Variants in SLC26A8 observed in about 807,000 individuals in gnomAD.
The protein encoded by SLC26A8 is solute carrier family 26 member 8.
SLC26A8 carries 70 observed loss-of-function variants against 105.0 expected under a neutral mutation model. That is an observed-to-expected ratio of 0.67 (90% CI 0.55 to 0.81). The LOEUF is 0.81. Among genes scored for constraint, SLC26A8 ranks in the 40% least tolerant of loss-of-function variants. The probability of loss-of-function intolerance (pLI) is 0.00; values close to 1 mark genes in which losing one functional copy is unlikely to be tolerated. For missense variants in SLC26A8, 998 were observed against 1,181.8 expected (o/e 0.84, Z 2.28); for synonymous variants, 415 against 438.3 (o/e 0.95, Z 0.66).
intron 16 of SLC26A8, among the ~76,000 whole-genome samples, chr6:35,958,115 T>C (rs966435463): frequency 1.3e-5 from 2 of 152,208 alleles, no homozygotes; most frequent in Non-Finnish European, 2.9e-5. Context: ...TAAAATTCTC[T>C]CATAAATTTC....
intron 3 of SLC26A8, among the ~76,000 whole-genome samples, chr6:36,008,863 G>A (rs1761766317): frequency 6.6e-6 from 1 of 152,104 alleles, no homozygotes; most frequent in African/African-American, 2.4e-5. Flanking sequence ...AAAAAATAGT[G>A]ACAACAGCAA....
chr6:36,021,965 G>A (rs913430853), intron 1 of SLC26A8, among the ~76,000 whole-genome samples: 8 of 150,676 alleles, frequency 5.3e-5, no homozygotes, highest in East Asian at 3.9e-4. Flanking sequence ...CACCGCGCCC[G>A]GCCTATTTTT....
At chr6:36,000,223 G>A (rs1761481682) in intron 3 of SLC26A8, 115 bp from the exon 4 acceptor site, 2 of 657,310 alleles carry the variant, frequency 3.0e-6, no homozygotes, top group African/African-American at 1.8e-5. Flanking sequence ...GACTGAGTGT[G>A]GTAATAGTAT....
chr6:36,007,782 C>A (rs903340624), intron 3 of SLC26A8, among the ~76,000 whole-genome samples: 2 of 152,122 alleles, frequency 1.3e-5, no homozygotes, highest in Non-Finnish European at 2.9e-5. Flanking sequence ...CCTATTTGAT[C>A]TCTGACAAAG....
At chr6:35,979,559 C>A (rs946867505) in intron 8 of SLC26A8, among the ~76,000 whole-genome samples, 1 of 152,132 alleles carries the variant, frequency 6.6e-6, no homozygotes, top group Non-Finnish European at 1.5e-5. Context: ...TAACTGAATG[C>A]TTACAGGTAG....
intron 7 of SLC26A8, among the ~76,000 whole-genome samples, chr6:35,985,615 C>A (rs1773477257): frequency 6.8e-6 from 1 of 147,256 alleles, no homozygotes; most frequent in South Asian, 2.1e-4. Context: ...ATCGTTTGAA[C>A]CTGGGAGGCA....
At chr6:35,969,296 A>G (rs1772685418) in intron 10 of SLC26A8, 2 of 239,050 alleles carry the variant, frequency 8.4e-6, no homozygotes, top group Non-Finnish European at 1.7e-5. Context: ...CTCTCCTTGC[A>G]CAATTTAGAA....
intron 2 of SLC26A8, among the ~76,000 whole-genome samples, chr6:36,017,112 A>G (rs1313229964): frequency 6.6e-6 from 1 of 152,058 alleles, no homozygotes; most frequent in African/African-American, 2.4e-5. Context: ...TGGAGGTTGC[A>G]GTGAGCGGAG....
At chr6:35,974,935 T>A (rs531932149) in intron 10 of SLC26A8, among the ~76,000 whole-genome samples, 1 of 151,942 alleles carries the variant, frequency 6.6e-6, no homozygotes, top group African/African-American at 2.4e-5. Flanking sequence ...TTTTTGTATT[T>A]CTAGTAGAGA....
chr6:35,984,876 C>T (rs1034548611), intron 7 of SLC26A8, among the ~76,000 whole-genome samples: 6 of 152,192 alleles, frequency 3.9e-5, no homozygotes, highest in African/African-American at 1.4e-4. Context: ...AGGGGTCAGA[C>T]ATACGTCATT....
In SLC26A8 at chr6:35,943,991, G is replaced by C. The variant is rs200264081; in HGVS notation, c.2822C>G (p.Ser941Cys). The change falls in exon 20 of 20, where the codon TCT (serine) becomes TGT (cysteine). Residue 941 changes from serine (S) to cysteine (C), a missense_variant. Transcript: ENST00000490799. ...MYHPSMASTQ[S>C]QTQTRTWSVE... ...TGACCATGTCCGAGTCTGAGTCTGA[G>C]ACTGGGTGGAAGCCATAGACGGATG... 1 of 1,614,190 alleles carries C rather than the reference G, an allele frequency of 6.2e-7. No individual in the cohort carries two copies. The highest frequency in any genetic ancestry group is 2.2e-5 in the East Asian group (1 of 44,886).
intron 11 of SLC26A8, among the ~76,000 whole-genome samples, chr6:35,965,286 A>C (rs1772463500): frequency 6.6e-6 from 1 of 152,198 alleles, no homozygotes; most frequent in African/African-American, 2.4e-5. Context: ...ATGGAAAGAA[A>C]GTTTCCTAAA....
chr6:36,024,357 ATCAT>A, intron 1 of SLC26A8, 143 bp downstream of exon 1: 2 of 431,178 alleles, frequency 4.6e-6, no homozygotes, highest in Admixed American at 2.5e-5. Context: ...AGGGACGACC[ATCAT>A]TCATTCATTC....
intron 7 of SLC26A8, among the ~76,000 whole-genome samples, chr6:35,989,001 C>T (rs758777800): frequency 2.6e-5 from 4 of 151,824 alleles, no homozygotes; most frequent in South Asian, 2.1e-4. Context: ...CCACCTCGCC[C>T]GGCTAAGTTT....
At chr6:35,959,380 G>T (rs1772218904) in intron 16 of SLC26A8, 80 bp downstream of exon 16, 5 of 1,385,946 alleles carry the variant, frequency 3.6e-6, no homozygotes, top group Non-Finnish European at 4.9e-6. Context: ...TAGAGGTTTT[G>T]ATTTTTTTTT....
At chr6:36,006,651 A>G (rs1226264773) in intron 3 of SLC26A8, among the ~76,000 whole-genome samples, 2 of 152,228 alleles carry the variant, frequency 1.3e-5, no homozygotes. Context: ...TAGCTGTCTC[A>G]TTGCAGCACC....
At chr6:35,951,715 A>G (rs1771880140) in intron 17 of SLC26A8, among the ~76,000 whole-genome samples, 1 of 152,132 alleles carries the variant, frequency 6.6e-6, no homozygotes, top group Admixed American at 6.5e-5. Context: ...AGTAGCTGAG[A>G]CTACAGGTGC....
At chr6:35,954,134 A>G (rs1017917203) in intron 17 of SLC26A8, among the ~76,000 whole-genome samples, 1 of 152,228 alleles carries the variant, frequency 6.6e-6, no homozygotes, top group African/African-American at 2.4e-5. Context: ...GCATTAAACA[A>G]TGACATCAAT....
intron 10 of SLC26A8, among the ~76,000 whole-genome samples, chr6:35,973,370 T>A (rs1252948223): frequency 6.6e-6 from 1 of 152,160 alleles, no homozygotes; most frequent in Non-Finnish European, 1.5e-5. Context: ...GGCCAATGTG[T>A]CCGGAAGAAG....
Sources: allele counts gnomAD v4.1 joint callset (sites outside exome capture counted in the v4.1 genomes callset), GRCh38; gene constraint gnomAD v4.1.1; transcripts MANE v1.5; gene names NCBI Gene and HGNC (gene_info 2026-07-23, HGNC 2026-07-21).